ADAMTS7: variants seen among roughly 807,000 people sequenced by gnomAD.
ADAMTS7 encodes the protein A disintegrin and metalloproteinase with thrombospondin motifs 7.
In ADAMTS7, 89 loss-of-function variants were observed where a neutral mutation model predicts 172.6. The observed-to-expected ratio is 0.52, with a 90% CI of 0.43 to 0.61. ADAMTS7 has a LOEUF of 0.61. Ranked by LOEUF, ADAMTS7 falls within the 20% of genes least tolerant of loss-of-function variation. The pLI, the probability that ADAMTS7 is intolerant of heterozygous loss-of-function variation, is 0.00. For missense variants in ADAMTS7, 1,973 were observed against 2,355.6 expected, an observed-to-expected ratio of 0.84 and a Z score of 3.36; for synonymous variants, 885 against 978.4, an observed-to-expected ratio of 0.90 and a Z score of 1.78.
At chr15:78,772,465 G>C (rs1246709237) in intron 14 of ADAMTS7, among the ~76,000 whole-genome samples, 1 of 152,204 alleles carries the variant, frequency 6.6e-6, no homozygotes, top group Non-Finnish European at 1.5e-5. Flanking sequence ...AGCTGGCCCT[G>C]CCTTCCCTTC....
chr15:78,776,743 C>G lies in ADAMTS7; in HGVS notation c.1560+6G>C, dbSNP rs369977904. ...ACCCACTGCCGGGACTGGGGACATC[C>G]CCTACCTTATTCTCCCCACACCGGG... On this transcript the variant is annotated splice_donor_region_variant and intron_variant, in intron 10 of 23. Coordinates refer to ENST00000388820, the MANE Select transcript of ADAMTS7 (RefSeq NM_014272.5). 3 of 1,549,492 alleles carry G rather than the reference C, an allele frequency of 1.9e-6. No homozygotes were observed. The highest frequency in any genetic ancestry group is 2.4e-5 in the East Asian group (1 of 40,894).
intron 14 of ADAMTS7, among the ~76,000 whole-genome samples, chr15:78,772,692 A>G (rs1268135824): frequency 1.3e-5 from 2 of 152,268 alleles, no homozygotes; most frequent in Non-Finnish European, 2.9e-5. Flanking sequence ...CTCCAGGACT[A>G]AGCGCTTCAC....
At chr15:78,810,311 C>G (rs1311017975) in intron 1 of ADAMTS7, among the ~76,000 whole-genome samples, 3 of 152,260 alleles carry the variant, frequency 2.0e-5, no homozygotes, top group Non-Finnish European at 2.9e-5. Flanking sequence ...GCTCCCCTGA[C>G]TGGGAGCTCC....
chr15:78,793,422 C>T (rs1219887852), intron 4 of ADAMTS7, among the ~76,000 whole-genome samples: 1 of 151,406 alleles, frequency 6.6e-6, no homozygotes, highest in South Asian at 2.1e-4. Context: ...TGCATGATCT[C>T]GGCTCACTGC....
At chr15:78,772,490 T>C (rs2055267471) in intron 14 of ADAMTS7, among the ~76,000 whole-genome samples, 1 of 152,268 alleles carries the variant, frequency 6.6e-6, no homozygotes, top group Admixed American at 6.5e-5. Flanking sequence ...CTCCAGGCTC[T>C]GGCACAAGCT....
At chr15:78,776,383 C>T in intron 10 of ADAMTS7, 50 bp from the exon 11 acceptor site, 1 of 1,586,002 alleles carries the variant, frequency 6.3e-7, no homozygotes, top group Non-Finnish European at 8.6e-7. Context: ...GTCTATCAGT[C>T]ATCCTCACCC....
Position 78,766,959 on chromosome 15 carries a change from G to A in ADAMTS7, c.2952C>T (p.Ala984=). 1 of 1,610,732 alleles carries A rather than the reference G, an allele frequency of 6.2e-7. No individual in the cohort carries two copies. The highest frequency in any genetic ancestry group is 8.5e-7 in the Non-Finnish European group (1 of 1,179,392). Residue 984 remains alanine (A), a synonymous_variant, in exon 19 of 24, where the codon GCC becomes GCT. Coordinates refer to ENST00000388820, the MANE Select transcript of ADAMTS7 (RefSeq NM_014272.5). ...GTGGCAGAGAGCAGGTGACTTCGCT[G>A]GCTGGCTGCTGGGCCTCGTCACAGG... The part of the protein sequence containing the change: ...GVPCDEAQQP[A]SEVTCSLPLC...
At chr15:78,808,223 A>C (rs573392489) in intron 1 of ADAMTS7, among the ~76,000 whole-genome samples, 1 of 151,804 alleles carries the variant, frequency 6.6e-6, no homozygotes, top group East Asian at 1.9e-4. Flanking sequence ...TATTGCAATA[A>C]TTTTTTTCTT....
chr15:78,810,573 G>C (rs1265188799), intron 1 of ADAMTS7: 1 of 152,388 alleles, frequency 6.6e-6, no homozygotes, highest in Non-Finnish European at 1.5e-5. Context: ...GGAAGTGCAA[G>C]GACCGCGCAA....
chr15:78,782,740 A>G (rs1354628365), intron 8 of ADAMTS7, among the ~76,000 whole-genome samples: 2 of 152,062 alleles, frequency 1.3e-5, no homozygotes, highest in African/African-American at 2.4e-5. Context: ...GGAAAGGCTC[A>G]GGAATGGAGT....
In ADAMTS7 at chr15:78,766,188, G is replaced by C. The variant is rs372761120; in HGVS notation, c.3723C>G (p.Pro1241=). 1 of 1,611,906 alleles carries C rather than the reference G, an allele frequency of 6.2e-7. No homozygotes were observed. The highest frequency in any genetic ancestry group is 1.7e-5 in the Admixed American group (1 of 60,014). The stretch of plus-strand genomic sequence containing the variant: ...GGGTGCTGCCAACAGGGGACAAAGG[G>C]GGCAGCGTGGAGCTGGGTCTCGGGG... The part of the protein sequence containing the change: ...HLPPRPSSTL[P]PLSPVGSTHS... The change falls in exon 19 of 24, where the codon CCC becomes CCG. Residue 1241 remains proline (P), a synonymous_variant. Transcript: ENST00000388820.
intron 5 of ADAMTS7, 91 bp from the exon 6 acceptor site, chr15:78,790,885 G>A (rs1295684253): frequency 6.4e-7 from 1 of 1,568,608 alleles, no homozygotes; most frequent in Admixed American, 1.7e-5. Flanking sequence ...GGAGACAGAG[G>A]CCCAGCAGGG....
At chr15:78,794,170 C>T (rs1567234710) in intron 4 of ADAMTS7, among the ~76,000 whole-genome samples, 2 of 152,108 alleles carry the variant, frequency 1.3e-5, no homozygotes, top group African/African-American at 2.4e-5. Context: ...ACCCAGGAAG[C>T]GGAGGTTGCA....
chr15:78,798,049 C>T lies in ADAMTS7; in HGVS notation c.521G>A (p.Arg174Gln), dbSNP rs747979871. The change falls in exon 3 of 24, where the codon CGG becomes CAG. Residue 174 changes from arginine to glutamine, a missense_variant. Arg to Gln is a conservative substitution (Grantham distance 43, BLOSUM62 1). Coordinates refer to ENST00000388820, the MANE Select transcript of ADAMTS7 (RefSeq NM_014272.5). ...CACATGGGGCTGGGCGTGGCCAGGC[C>T]GGGCCGGGGCACTGTCCAGGGGCTC... ...FIEPLDSAPA[R>Q]PGHAQPHVVY... The T allele has an allele frequency of 6.7e-5, 105 of 1,569,636 alleles. No individual in the cohort carries two copies. The highest frequency in any genetic ancestry group is 5.7e-4 in the Admixed American group (27 of 47,754).
At position 78,803,376 on chromosome 15, in the gene ADAMTS7, A is replaced by G. The variant is rs77739791; in HGVS notation, c.101-2829T>C. On this transcript the variant is annotated intron_variant, in intron 1 of 23. Transcript: ENST00000388820. ...CATTATCTCAAAAACAAAACACAAC[A>G]AAACAAAAAATAATTTAAAAAGTAG... Among the ~76,000 whole-genome samples the G allele has an allele frequency of 4.3e-4, 66 of 152,298 alleles. 1 individual carries two copies. The East Asian group carries it at 0.012, about 28-fold the overall frequency.
Position 78,774,218 on chromosome 15 carries a change from G to C in ADAMTS7, c.1959C>G (p.Pro653=), listed in dbSNP as rs1321057916. 1 of 1,589,486 alleles carries C rather than the reference G, an allele frequency of 6.3e-7. No individual in the cohort carries two copies. Among genetic ancestry groups the C allele is most frequent in the South Asian group, 1.1e-5 (1 of 89,310 alleles). Residue 653 remains proline, a synonymous_variant, in exon 13 of 24, where the codon CCC becomes CCG. Coordinates refer to ENST00000388820, the MANE Select transcript of ADAMTS7 (RefSeq NM_014272.5). The part of the protein sequence containing the change: ...KLRDAVVDGT[P]CYQVRASRDL... Reference sequence around the variant, plus strand: ...CCCGGCTGGCTCGGACCTGGTAGCAGGGGGTGCCATCGACCACGGCGTCCC... The same window carrying C: ...CCCGGCTGGCTCGGACCTGGTAGCACGGGGTGCCATCGACCACGGCGTCCC...
chr15:78,782,971 G>A (rs2055450733), intron 8 of ADAMTS7, among the ~76,000 whole-genome samples: 2 of 145,442 alleles, frequency 1.4e-5, no homozygotes, highest in South Asian at 4.4e-4. Context: ...CAAGGCAGAA[G>A]GACCTACAGA....
At chr15:78,773,482 C>G (rs2622830) in intron 13 of ADAMTS7, among the ~76,000 whole-genome samples, 151,133 of 151,666 alleles carry the variant, frequency 1, 75,300 homozygotes, top group East Asian at 1. Context: ...TTCTGCAAAG[C>G]CTGCGGGCAG....
chr15:78,774,083 G>A, intron 13 of ADAMTS7, 84 bp downstream of exon 13: 5 of 1,552,282 alleles, frequency 3.2e-6, no homozygotes, highest in Middle Eastern at 2.3e-4. Context: ...GGAGGATCAG[G>A]AGGGACCCAG....
Sources: gnomAD v4.1 joint callset for allele counts (sites outside exome capture counted in the v4.1 genomes callset) on GRCh38, gnomAD v4.1.1 for gene constraint, MANE v1.5 for transcripts, NCBI Gene and HGNC (gene_info 2026-07-23, HGNC 2026-07-21) for gene names.